CFAP47: variants seen among roughly 807,000 people sequenced by gnomAD.
CFAP47 encodes cilia- and flagella-associated protein 47.
A neutral mutation model predicts 148.1 loss-of-function variants in CFAP47; 29 were observed. That is an observed-to-expected ratio of 0.20 (90% CI 0.15 to 0.27). CFAP47 has a LOEUF of 0.27. CFAP47 is among the 10% of genes least tolerant of loss of function. The pLI is 1.00. For synonymous variants in CFAP47, 664 were observed against 577.3 expected (o/e 1.15, Z -2.15); for missense variants, 1,872 against 1,697.5 (o/e 1.10, Z -1.81).
chrX:35,948,786 GGT>G (rs112888014), intron 4 of CFAP47, among the ~76,000 whole-genome samples: 1 of 108,052 alleles, frequency 9.3e-6, no homozygotes, highest in Non-Finnish European at 1.9e-5. Flanking sequence ...TGTGATTTGG[GGT>G]GTGTGTGTGT....
At chrX:36,366,328 C>T (rs1556020265) in intron 61 of CFAP47, among the ~76,000 whole-genome samples, 1 of 111,711 alleles carries the variant, frequency 9.0e-6, no homozygotes, top group East Asian at 2.8e-4. Flanking sequence ...CACTCTTTGT[C>T]ATAGTCAAAT....
chrX:36,129,777 T>C lies in CFAP47; in HGVS notation c.5321-8181T>C, dbSNP rs965205436. Among the ~76,000 whole-genome samples, 3 of 111,188 alleles carry C rather than the reference T, an allele frequency of 2.7e-5. No homozygotes were observed. In the Admixed American group the frequency reaches 2.9e-4, roughly 11 times the overall value. On this transcript the variant is annotated intron_variant, in intron 33 of 63. Transcript: ENST00000378653. ...TGCCAGTCCATGTAGTACATCATAT[T>C]AATGAAATAAAAATGAGGAAAAAGG...
At chrX:35,997,769 A>G (rs1936865785) in intron 19 of CFAP47, among the ~76,000 whole-genome samples, 1 of 111,563 alleles carries the variant, frequency 9.0e-6, no homozygotes, top group Non-Finnish European at 1.9e-5. Flanking sequence ...GCTTTATAAC[A>G]AAGATGTACT....
At chrX:36,347,981 C>G in intron 57 of CFAP47, 148 bp from the exon 58 acceptor site, 1 of 270,081 alleles carries the variant, frequency 3.7e-6, no homozygotes, top group Non-Finnish European at 6.6e-6. Context: ...GTGAAGCGAA[C>G]TTATAATTTT....
intron 21 of CFAP47, among the ~76,000 whole-genome samples, chrX:36,006,284 G>A (rs987479858): frequency 9.0e-6 from 1 of 111,021 alleles, no homozygotes; most frequent in Non-Finnish European, 1.9e-5. Context: ...TTAAATTTCT[G>A]TGAAGTGCCA....
At position 36,319,475 on chromosome X, in the gene CFAP47, C is replaced by CAT. The variant is rs782171431; in HGVS notation, c.8443+185_8443+186dup. The stretch of plus-strand genomic sequence containing the variant: ...TGATAGAAAAACATGGATGGTAAAA[C>CAT]ATATATATATATATATATTACATTT... On this transcript the variant is annotated intron_variant, in intron 57 of 63. Coordinates refer to ENST00000378653, the MANE Select transcript of CFAP47 (RefSeq NM_001304548.2). 5.9e-3 allele frequency among the ~76,000 whole-genome samples: 620 copies of CAT among 105,304 alleles called. 4 individuals carry two copies. Among genetic ancestry groups the CAT allele is most frequent in the Middle Eastern group, 0.015 (3 of 203 alleles). 91.4% of individuals were successfully genotyped at this position (105,304 alleles called of 115,157 possible).
intron 4 of CFAP47, among the ~76,000 whole-genome samples, chrX:35,948,747 G>A (rs1388373617): frequency 9.0e-6 from 1 of 111,076 alleles, no homozygotes; most frequent in Non-Finnish European, 1.9e-5. Flanking sequence ...TTACTGGTGA[G>A]TAGTAATTAG....
At chrX:36,019,093 TG>T (rs745929090) in intron 22 of CFAP47, among the ~76,000 whole-genome samples, 3 of 111,401 alleles carry the variant, frequency 2.7e-5, no homozygotes, top group Non-Finnish European at 3.8e-5. Context: ...GCACCAGTTG[TG>T]GGGGGGTCTG....
intron 45 of CFAP47, chrX:36,211,535 G>A (rs1433588722): frequency 2.3e-5 from 7 of 303,502 alleles, no homozygotes; most frequent in African/African-American, 5.6e-5. Flanking sequence ...CAGATGAAAA[G>A]CAGCCTCATG....
intron 28 of CFAP47, 143 bp from the exon 29 acceptor site, chrX:36,072,996 G>A (rs1280266238): frequency 2.3e-6 from 1 of 442,381 alleles, no homozygotes; most frequent in Non-Finnish European, 3.9e-6. Flanking sequence ...TTAAGATATA[G>A]TAAATTGACT....
At chrX:36,267,931 A>G (rs1280712464) in intron 49 of CFAP47, among the ~76,000 whole-genome samples, 2 of 112,831 alleles carry the variant, frequency 1.8e-5, no homozygotes, top group East Asian at 5.6e-4. Context: ...CAGGTAGCCT[A>G]TGCTCTGATG....
chrX:36,136,577 A>T (rs1359009555), intron 33 of CFAP47, among the ~76,000 whole-genome samples: 1 of 111,281 alleles, frequency 9.0e-6, no homozygotes, highest in Non-Finnish European at 1.9e-5. Context: ...TAGGTAAGAG[A>T]GTACATCTTA....
intron 55 of CFAP47, 98 bp from the exon 56 acceptor site, chrX:36,310,735 A>G (rs1243047940): frequency 1.8e-5 from 8 of 443,186 alleles, no homozygotes; most frequent in Non-Finnish European, 2.4e-5. Flanking sequence ...AACTTTTCTT[A>G]TCTGTCCAAA....
At chrX:36,057,632 A>T (rs902025561) in intron 26 of CFAP47, among the ~76,000 whole-genome samples, 10 of 111,514 alleles carry the variant, frequency 9.0e-5, no homozygotes, top group Non-Finnish European at 1.9e-4. Flanking sequence ...CAAACCTTCT[A>T]AGTCAATTTA....
At chrX:36,108,598 G>T (rs1219710089) in intron 33 of CFAP47, among the ~76,000 whole-genome samples, 1 of 111,218 alleles carries the variant, frequency 9.0e-6, no homozygotes, top group African/African-American at 3.3e-5. Flanking sequence ...CCTGCCATTT[G>T]CCCATCTGTT....
At chrX:36,041,548 C>A in intron 25 of CFAP47, among the ~76,000 whole-genome samples, 1 of 110,863 alleles carries the variant, frequency 9.0e-6, no homozygotes, top group East Asian at 2.8e-4. Flanking sequence ...AATAATGCGG[C>A]CTAATTTGTT....
intron 39 of CFAP47, among the ~76,000 whole-genome samples, chrX:36,176,072 G>A (rs754530584): frequency 2.7e-5 from 3 of 112,831 alleles, no homozygotes; most frequent in East Asian, 2.8e-4. Flanking sequence ...TCCAGGTGCC[G>A]TCTGTCACCC....
intron 30 of CFAP47, 66 bp from the exon 31 acceptor site, chrX:36,098,727 C>G (rs1209746731): frequency 2.1e-6 from 1 of 478,901 alleles, no homozygotes; most frequent in African/African-American, 2.5e-5. Context: ...AATTGATGGT[C>G]AATGCAAATC....
At chrX:35,946,607 T>G (rs757440941) in intron 3 of CFAP47, among the ~76,000 whole-genome samples, 48 of 112,346 alleles carry the variant, frequency 4.3e-4, no homozygotes, top group Non-Finnish European at 6.6e-4. Context: ...AGTGACCAAT[T>G]TTGTTACTTT....
Sources: gnomAD v4.1 joint callset for allele counts (sites outside exome capture counted in the v4.1 genomes callset) on GRCh38, gnomAD v4.1.1 for gene constraint, MANE v1.5 for transcripts, NCBI Gene and HGNC (gene_info 2026-07-23, HGNC 2026-07-21) for gene names.